HOOK1: variants seen among roughly 807,000 people sequenced by gnomAD.
HOOK1 encodes the protein protein Hook homolog 1.
A neutral mutation model predicts 112.8 loss-of-function variants in HOOK1; 60 were observed. The ratio of observed to expected loss-of-function variants is 0.53; its 90% CI spans 0.43 to 0.66. HOOK1 has a LOEUF of 0.66. Among genes scored for constraint, HOOK1 ranks in the 30% least tolerant of loss-of-function variants. HOOK1 has a pLI of 0.00. For synonymous variants in HOOK1, 294 were observed against 283.8 expected (o/e 1.04, Z -0.36); for missense variants, 770 against 856.0 (o/e 0.90, Z 1.25).
rs1300995475 is a variant in HOOK1 at position 59,821,878 on chromosome 1, C to T, written c.84C>T (p.Ala28=). The change falls in exon 2 of 22, where the codon GCC becomes GCT. Residue 28 remains alanine (A), a synonymous_variant. Transcript: ENST00000371208. ...TTTAGCTGCAGACATTCAATACTGC[C>T]TCACCTTGTCAAGATGTCAAACAGC... ...LMIWLQTFNT[A]SPCQDVKQLT... 6.2e-7 allele frequency: 1 copy of T among 1,603,718 alleles called. No homozygotes were observed. The highest frequency in any genetic ancestry group is 8.5e-7 in the Non-Finnish European group (1 of 1,176,048).
intron 10 of HOOK1, among the ~76,000 whole-genome samples, chr1:59,847,967 G>A (rs1370647032): frequency 1.3e-5 from 2 of 151,700 alleles, no homozygotes; most frequent in Admixed American, 1.3e-4. Context: ...CACAAAGGAA[G>A]GTTGGCCTGT....
Position 59,876,291 on chromosome 1 carries a change from A to G in HOOK1, c.*3326A>G, listed in dbSNP as rs1295039794. 1.3e-5 allele frequency: 2 copies of G among 152,632 alleles called. No homozygotes were observed. Among genetic ancestry groups the G allele is most frequent in the East Asian group, 3.8e-4 (2 of 5,206 alleles). The allele number at this position is 152,632 out of a possible 1,614,324, so 9.5% of individuals were successfully genotyped here. A position where few individuals can be genotyped will look rare whatever the true frequency, so the allele number is the denominator to read the frequency against. On this transcript the variant is annotated 3_prime_UTR_variant, in exon 22 of 22. Transcript: ENST00000371208. The stretch of plus-strand genomic sequence containing the variant: ...ATTTATTTTTGTAAGTATTTAGGAT[A>G]TTATTTTAAATAAATGATTGTCCAT...
intron 17 of HOOK1, 35 bp from the exon 18 acceptor site, chr1:59,865,128 C>G: frequency 3.1e-6 from 4 of 1,281,340 alleles, no homozygotes; most frequent in Non-Finnish European, 4.6e-6. Flanking sequence ...TGTTATATGG[C>G]AGAGACCAGT....
At chr1:59,819,311 G>A (rs936228978) in intron 1 of HOOK1, among the ~76,000 whole-genome samples, 1 of 151,462 alleles carries the variant, frequency 6.6e-6, no homozygotes, top group South Asian at 2.1e-4. Flanking sequence ...CACCACACCC[G>A]GCTAATTTTT....
At chr1:59,857,637 G>A (rs1284061127) in intron 12 of HOOK1, among the ~76,000 whole-genome samples, 1 of 152,184 alleles carries the variant, frequency 6.6e-6, no homozygotes, top group Non-Finnish European at 1.5e-5. Flanking sequence ...CTGCTAAATT[G>A]ATTTGAAACA....
intron 10 of HOOK1, among the ~76,000 whole-genome samples, chr1:59,848,047 A>G (rs753332151): frequency 1.3e-5 from 2 of 151,688 alleles, no homozygotes; most frequent in Non-Finnish European, 3.0e-5. Flanking sequence ...GTGCTAATAT[A>G]TGAAACAGTT....
intron 12 of HOOK1, among the ~76,000 whole-genome samples, chr1:59,854,455 T>C (rs1372927639): frequency 2.6e-5 from 4 of 152,152 alleles, no homozygotes; most frequent in Non-Finnish European, 5.9e-5. Context: ...GGACTCCTTT[T>C]AGTATTTTTC....
At chr1:59,833,258 A>T (rs2098395296) in intron 4 of HOOK1, 147 bp from the exon 5 acceptor site, 2 of 649,188 alleles carry the variant, frequency 3.1e-6, no homozygotes, top group Non-Finnish European at 2.3e-6. Context: ...AACATTGCTA[A>T]CTGGTTTTAA....
At chr1:59,824,941 A>T (rs2098388740) in intron 2 of HOOK1, among the ~76,000 whole-genome samples, 3 of 152,150 alleles carry the variant, frequency 2.0e-5, no homozygotes, top group African/African-American at 7.2e-5. Flanking sequence ...ATTCTCTCAC[A>T]CTTTTGGAGG....
intron 1 of HOOK1, among the ~76,000 whole-genome samples, chr1:59,819,023 C>T (rs934534533): frequency 7.9e-5 from 12 of 151,872 alleles, no homozygotes; most frequent in South Asian, 2.1e-4. Context: ...CTGTGTTTAG[C>T]GGTAGACACC....
chr1:59,860,415 G>C, intron 15 of HOOK1, 87 bp downstream of exon 15: 1 of 1,155,832 alleles, frequency 8.7e-7, no homozygotes, highest in South Asian at 1.9e-5. Flanking sequence ...AAATATTATT[G>C]TAGCTAAAGT....
chr1:59,850,512 A>C (rs1243392696), intron 12 of HOOK1, among the ~76,000 whole-genome samples: 1 of 151,444 alleles, frequency 6.6e-6, no homozygotes, highest in Non-Finnish European at 1.5e-5. Flanking sequence ...TAGCTCATAT[A>C]TTTAGTCTGT....
intron 12 of HOOK1, among the ~76,000 whole-genome samples, chr1:59,854,330 A>G (rs1384642199): frequency 6.6e-6 from 1 of 151,820 alleles, no homozygotes; most frequent in Non-Finnish European, 1.5e-5. Flanking sequence ...GATTACAGGC[A>G]TAAGCCACCG....
chr1:59,829,872 C>A (rs2098392542), intron 3 of HOOK1, among the ~76,000 whole-genome samples: 1 of 152,070 alleles, frequency 6.6e-6, no homozygotes, highest in South Asian at 2.1e-4. Flanking sequence ...ACCATCTTAG[C>A]CACATCCCAC....
Position 59,860,298 on chromosome 1 carries a change from G to A in HOOK1, c.1502G>A (p.Arg501His), listed in dbSNP as rs369814870. 232 of 1,606,926 alleles carry A rather than the reference G, an allele frequency of 1.4e-4. No individual in the cohort carries two copies. The highest frequency in any genetic ancestry group is 1.9e-4 in the Non-Finnish European group (226 of 1,176,206). Residue 501 changes from arginine to histidine, a missense_variant, in exon 15 of 22, where the codon CGT becomes CAT. Physicochemically the swap from Arg to His is conservative, Grantham distance 29. Around this residue, in one of 3 missense-constraint regions of HOOK1, gnomAD observed 655 missense variants for 725.9 expected, o/e 0.90. Coordinates refer to ENST00000371208, the MANE Select transcript of HOOK1 (RefSeq NM_015888.6). ...ELQEQLEQKH[R>H]KMNELETEQR... Reference sequence around the variant, plus strand: ...CAGGAGCAGCTAGAACAGAAACACCGTAAAATGAATGAACTGGAAACTGAG... The same window carrying A: ...CAGGAGCAGCTAGAACAGAAACACCATAAAATGAATGAACTGGAAACTGAG...
intron 10 of HOOK1, among the ~76,000 whole-genome samples, chr1:59,847,608 G>A (rs1265205460): frequency 6.6e-6 from 1 of 151,396 alleles, no homozygotes; most frequent in Non-Finnish European, 1.5e-5. Flanking sequence ...CTTTTTTTGG[G>A]GGAGGATTGT....
intron 7 of HOOK1, 54 bp from the exon 8 acceptor site, chr1:59,840,254 C>T: frequency 2.5e-6 from 3 of 1,221,198 alleles, no homozygotes; most frequent in South Asian, 1.7e-5. Flanking sequence ...TTCTATTTTT[C>T]TATATTTGTG....
In HOOK1 at chr1:59,871,038, C is replaced by T. The variant is rs374355973; in HGVS notation, c.1948-4C>T. 20 of 1,587,600 alleles carry T rather than the reference C, an allele frequency of 1.3e-5. No individual in the cohort carries two copies. The highest frequency in any genetic ancestry group is 3.4e-5 in the Admixed American group (2 of 59,674). The stretch of plus-strand genomic sequence containing the variant: ...TTTTAATTGTTCTCATATCTTTTTT[C>T]CAGAGTGAATGCAAAGTAGCAAAAT... On this transcript the variant is annotated splice_polypyrimidine_tract_variant and splice_region_variant and intron_variant, in intron 20 of 21. Coordinates refer to ENST00000371208, the MANE Select transcript of HOOK1 (RefSeq NM_015888.6).
chr1:59,821,970 A>ACTTGGT, intron 2 of HOOK1, 27 bp downstream of exon 2: 2 of 1,556,326 alleles, frequency 1.3e-6, no homozygotes, highest in Non-Finnish European at 1.8e-6. Context: ...CTCTCCCTGA[A>ACTTGGT]AAGCATTGTA....
Sources: gnomAD v4.1 joint callset for allele counts (sites outside exome capture counted in the v4.1 genomes callset) on GRCh38, gnomAD v4.1.1 for gene constraint, gnomAD v4.1.1 regional missense constraint, MANE v1.5 for transcripts, NCBI Gene and HGNC (gene_info 2026-07-23, HGNC 2026-07-21) for gene names.